Variants in CD2AP observed in about 807,000 individuals in gnomAD.
CD2AP encodes the protein CD2-associated protein.
Under a neutral mutation model 85.1 loss-of-function variants are expected in CD2AP, and 46 were observed. That is an observed-to-expected ratio of 0.54 (90% confidence interval 0.43 to 0.69). The LOEUF is 0.69. Ranked by LOEUF, CD2AP falls within the 30% of genes least tolerant of loss-of-function variation. The probability of loss-of-function intolerance (pLI) is 0.00; values close to 1 mark genes in which losing one functional copy is unlikely to be tolerated. For missense variants in CD2AP, 769 were observed against 729.5 expected, an observed-to-expected ratio of 1.05 and a Z score of -0.62; for synonymous variants, 255 against 252.9, an observed-to-expected ratio of 1.01 and a Z score of -0.08.
At chr6:47,588,866 G>T (rs960301839) in intron 11 of CD2AP, among the ~76,000 whole-genome samples, 1 of 152,100 alleles carries the variant, frequency 6.6e-6, no homozygotes, top group Non-Finnish European at 1.5e-5. Flanking sequence ...AGTCCTTTCA[G>T]TTTCTTGGAC....
In CD2AP at chr6:47,477,915, C is replaced by G. The variant is rs916685201; in HGVS notation, c.-330C>G. ...GGTTGGAGCCGAGGGTCTGGGCAAA[C>G]CGGTGGGTCCCTCCCCACTGCGGGA... On this transcript the variant is annotated 5_prime_UTR_variant, in exon 1 of 18. Transcript: ENST00000359314. 3.0e-5 allele frequency: 14 copies of G among 462,290 alleles called. No homozygotes were observed. Among genetic ancestry groups the G allele is most frequent in the Non-Finnish European group, 5.4e-5 (14 of 257,938 alleles). 28.6% of individuals were successfully genotyped at this position (462,290 alleles called of 1,614,324 possible).
intron 2 of CD2AP, among the ~76,000 whole-genome samples, chr6:47,512,299 A>T (rs889033233): frequency 6.6e-6 from 1 of 151,528 alleles, no homozygotes; most frequent in Non-Finnish European, 1.5e-5. Flanking sequence ...CCGAGATCGC[A>T]CCACTGCACT....
At chr6:47,515,392 TG>T (rs1180401490) in intron 2 of CD2AP, among the ~76,000 whole-genome samples, 1 of 152,126 alleles carries the variant, frequency 6.6e-6, no homozygotes. Flanking sequence ...AGAGTGGAAA[TG>T]AAGGGGATAG....
At chr6:47,598,049 A>G (rs949291045) in intron 12 of CD2AP, among the ~76,000 whole-genome samples, 12 of 150,910 alleles carry the variant, frequency 8.0e-5, no homozygotes, top group African/African-American at 2.7e-4. Flanking sequence ...AATAAACTTT[A>G]AAAGCAAGAA....
intron 14 of CD2AP, 51 bp from the exon 15 acceptor site, chr6:47,607,876 T>A (rs1447945964): frequency 1.6e-6 from 2 of 1,241,260 alleles, no homozygotes; most frequent in South Asian, 2.5e-5. Flanking sequence ...ACTTACTACC[T>A]TTTCTTTTCT....
At chr6:47,495,764 G>A (rs947565598) in intron 1 of CD2AP, among the ~76,000 whole-genome samples, 1 of 152,138 alleles carries the variant, frequency 6.6e-6, no homozygotes, top group African/African-American at 2.4e-5. Context: ...ACTTGTTGGA[G>A]CTGAAACTGC....
rs60486147 is a variant in CD2AP, at chr6:47,624,679, CTGTG to C, written c.*492_*495del. 30,051 of 121,136 alleles carry C rather than the reference CTGTG, an allele frequency of 0.25. 4,296 individuals are homozygous for C. The highest frequency in any genetic ancestry group is 0.4 in the Middle Eastern group (100 of 252). The allele number at this position is 121,136 out of a possible 1,614,324, so 7.5% of individuals were successfully genotyped here. On this transcript the variant is annotated 3_prime_UTR_variant, in exon 18 of 18. Transcript: ENST00000359314. ...CCATAATGCATAAGGGATATAAACT[CTGTG>C]TGTGTGTGTGTGTGTGTGTGTGTGT...
At chr6:47,555,026 T>A (rs1046078095) in intron 5 of CD2AP, among the ~76,000 whole-genome samples, 14 of 152,212 alleles carry the variant, frequency 9.2e-5, no homozygotes, top group African/African-American at 3.4e-4. Context: ...TGATTCATCT[T>A]AGGTTATCTG....
At chr6:47,497,918 G>T (rs957271041) in intron 1 of CD2AP, among the ~76,000 whole-genome samples, 12 of 152,104 alleles carry the variant, frequency 7.9e-5, no homozygotes, top group African/African-American at 1.7e-4. Context: ...TAGACTGTTT[G>T]TTCCTTAGAT....
At chr6:47,578,536 A>C (rs1425018757) in intron 8 of CD2AP, among the ~76,000 whole-genome samples, 1 of 152,212 alleles carries the variant, frequency 6.6e-6, no homozygotes, top group Non-Finnish European at 1.5e-5. Flanking sequence ...TTTTTAAAGC[A>C]GCTGAATAAT....
chr6:47,525,570 T>G (rs1026533364), intron 2 of CD2AP, among the ~76,000 whole-genome samples: 2 of 152,172 alleles, frequency 1.3e-5, no homozygotes, highest in African/African-American at 4.8e-5. Flanking sequence ...ATAGCCAGAT[T>G]ATTATATGGA....
chr6:47,488,256 G>C (rs372585387), intron 1 of CD2AP, among the ~76,000 whole-genome samples: 15 of 151,986 alleles, frequency 9.9e-5, no homozygotes, highest in African/African-American at 2.7e-4. Context: ...AGGCATAAAG[G>C]CTTAATTTTT....
chr6:47,578,386 T>G (rs1768369670), intron 8 of CD2AP, among the ~76,000 whole-genome samples: 1 of 151,608 alleles, frequency 6.6e-6, no homozygotes, highest in Non-Finnish European at 1.5e-5. Context: ...TTTTCAAAAT[T>G]TTTTTGTAGA....
At chr6:47,546,968 C>T (rs1767380681) in intron 4 of CD2AP, among the ~76,000 whole-genome samples, 1 of 152,206 alleles carries the variant, frequency 6.6e-6, no homozygotes, top group South Asian at 2.1e-4. Context: ...TTCAGACAAA[C>T]AAATGCTGAG....
chr6:47,505,602 C>T (rs1300729335), intron 2 of CD2AP, among the ~76,000 whole-genome samples: 9 of 120,974 alleles, frequency 7.4e-5, no homozygotes, highest in Middle Eastern at 3.9e-3. Context: ...CCGGACGGGG[C>T]GGCTGGCCGG....
intron 2 of CD2AP, among the ~76,000 whole-genome samples, chr6:47,510,797 G>C (rs1046182419): frequency 6.6e-6 from 1 of 152,078 alleles, no homozygotes; most frequent in Admixed American, 6.6e-5. Flanking sequence ...AGATGGGGCC[G>C]GGCGCGGTGG....
chr6:47,542,959 T>C (rs918939233), intron 3 of CD2AP, among the ~76,000 whole-genome samples: 2 of 151,908 alleles, frequency 1.3e-5, no homozygotes, highest in Non-Finnish European at 2.9e-5. Context: ...GAGACCAGCC[T>C]GACTAACATG....
intron 5 of CD2AP, among the ~76,000 whole-genome samples, chr6:47,564,013 G>A (rs935336071): frequency 1.3e-5 from 2 of 152,078 alleles, no homozygotes; most frequent in African/African-American, 2.4e-5. Flanking sequence ...AAATCATTGA[G>A]GTAGGAATCA....
At chr6:47,515,657 G>A (rs1465465043) in intron 2 of CD2AP, among the ~76,000 whole-genome samples, 2 of 152,132 alleles carry the variant, frequency 1.3e-5, no homozygotes, top group African/African-American at 2.4e-5. Context: ...ATTCTGTAAC[G>A]TCCTGTGCTT....
Sources: gnomAD v4.1 joint callset for allele counts (sites outside exome capture counted in the v4.1 genomes callset) on GRCh38, gnomAD v4.1.1 for gene constraint, MANE v1.5 for transcripts, NCBI Gene and HGNC (gene_info 2026-07-23, HGNC 2026-07-21) for gene names.